The following MACROD2 variants were observed in gnomAD, a reference collection of about 807,000 sequenced individuals.
MACROD2 encodes the protein mono-ADP ribosylhydrolase 2.
Under a neutral mutation model 70.4 loss-of-function variants are expected in MACROD2, and 36 were observed. That is an observed-to-expected ratio of 0.51 (90% CI 0.39 to 0.68). MACROD2 has a LOEUF of 0.68. MACROD2 is among the 30% of genes least tolerant of loss of function. The probability of loss-of-function intolerance (pLI) is 0.00; values close to 1 mark genes in which losing one functional copy is unlikely to be tolerated. For missense variants in MACROD2, 496 were observed against 538.4 expected (o/e 0.92, Z 0.78); for synonymous variants, 172 against 178.8 (o/e 0.96, Z 0.30).
chr20:15,419,090 G>T (rs1276895691), intron 6 of MACROD2, among the ~76,000 whole-genome samples: 1 of 152,104 alleles, frequency 6.6e-6, no homozygotes, highest in South Asian at 2.1e-4. Flanking sequence ...ATGACGAAGT[G>T]GTCCCAGAAA....
chr20:14,268,859 A>G (rs1426671138), intron 3 of MACROD2, among the ~76,000 whole-genome samples: 1 of 152,042 alleles, frequency 6.6e-6, no homozygotes, highest in African/African-American at 2.4e-5. Flanking sequence ...CCTTTATCCC[A>G]TTCTTTTAAA....
At chr20:14,911,638 G>C (rs1203110419) in intron 5 of MACROD2, among the ~76,000 whole-genome samples, 1 of 152,040 alleles carries the variant, frequency 6.6e-6, no homozygotes, top group South Asian at 2.1e-4. Flanking sequence ...TTCCCAAAAT[G>C]CTGGGATTGC....
chr20:14,865,949 TTC>T (rs1366996252), intron 5 of MACROD2, among the ~76,000 whole-genome samples: 1 of 152,162 alleles, frequency 6.6e-6, no homozygotes, highest in African/African-American at 2.4e-5. Context: ...AGCCATAATT[TTC>T]TCTTTGAAAG....
intron 8 of MACROD2, among the ~76,000 whole-genome samples, chr20:15,688,388 C>T (rs1175238223): frequency 6.6e-6 from 1 of 152,140 alleles, no homozygotes; most frequent in Non-Finnish European, 1.5e-5. Context: ...ATAGAAGCGT[C>T]AGTATTGGAA....
At position 14,386,645 on chromosome 20, in the gene MACROD2, C is replaced by A. The variant is rs572237951; in HGVS notation, c.272-106834C>A. Among the ~76,000 whole-genome samples the A allele has an allele frequency of 2.0e-5, 3 of 152,042 alleles. No homozygotes were observed. In the East Asian group the frequency reaches 5.8e-4, roughly 29 times the overall value. The stretch of plus-strand genomic sequence containing the variant: ...CTTCTGCTTTTGCCATGTGACATGC[C>A]AGCTCCCCTTTTGCCTTCTGCCATG... On this transcript the variant is annotated intron_variant, in intron 3 of 17. Coordinates refer to ENST00000684519, the MANE Select transcript of MACROD2 (RefSeq NM_001351661.2).
intron 6 of MACROD2, among the ~76,000 whole-genome samples, chr20:15,363,779 G>A (rs895587353): frequency 2.0e-5 from 3 of 151,984 alleles, no homozygotes; most frequent in Non-Finnish European, 2.9e-5. Context: ...GAAATGGAAG[G>A]CAAGATGAAT....
chr20:15,702,243 T>G (rs1306081028), intron 8 of MACROD2, among the ~76,000 whole-genome samples: 1 of 152,240 alleles, frequency 6.6e-6, no homozygotes, highest in Non-Finnish European at 1.5e-5. Context: ...ATCTCCAACT[T>G]GCTTTCCACA....
intron 5 of MACROD2, among the ~76,000 whole-genome samples, chr20:15,079,135 A>G (rs111391592): frequency 2.8e-4 from 42 of 152,322 alleles, no homozygotes; most frequent in African/African-American, 9.6e-4. Flanking sequence ...AGAAAGAAAA[A>G]AAGAATCAAC....
intron 4 of MACROD2, among the ~76,000 whole-genome samples, chr20:14,642,146 G>A (rs897261734): frequency 2.6e-5 from 4 of 152,208 alleles, no homozygotes; most frequent in African/African-American, 9.6e-5. Context: ...GTGTTATGGA[G>A]ACAGCTTCTT....
intron 2 of MACROD2, among the ~76,000 whole-genome samples, chr20:14,011,909 G>A (rs546379420): frequency 2.0e-5 from 3 of 151,566 alleles, no homozygotes; most frequent in African/African-American, 4.8e-5. Flanking sequence ...CTATTATTGC[G>A]ACTTTTCTTT....
chr20:14,014,840 G>T (rs2052964510), intron 2 of MACROD2, among the ~76,000 whole-genome samples: 1 of 151,654 alleles, frequency 6.6e-6, no homozygotes, highest in Admixed American at 6.6e-5. Flanking sequence ...TCTTGCTGTT[G>T]CCCAGGCTGG....
chr20:15,942,697 A>T (rs1019889772), intron 12 of MACROD2, among the ~76,000 whole-genome samples: 7 of 152,164 alleles, frequency 4.6e-5, no homozygotes, highest in Non-Finnish European at 1.0e-4. Context: ...TATTATTATT[A>T]CTATTTAAGA....
chr20:15,998,428 T>C (rs1449552016), intron 15 of MACROD2, among the ~76,000 whole-genome samples: 1 of 152,194 alleles, frequency 6.6e-6, no homozygotes, highest in Non-Finnish European at 1.5e-5. Flanking sequence ...CTTCTAGCAA[T>C]TTATTCATTT....
chr20:14,418,716 A>T (rs1343670334), intron 3 of MACROD2, among the ~76,000 whole-genome samples: 1 of 152,242 alleles, frequency 6.6e-6, no homozygotes, highest in Non-Finnish European at 1.5e-5. Context: ...ACTTTAACAC[A>T]TGGAACTTGT....
intron 5 of MACROD2, among the ~76,000 whole-genome samples, chr20:14,877,077 C>T (rs1325230397): frequency 6.6e-6 from 1 of 152,120 alleles, no homozygotes; most frequent in Non-Finnish European, 1.5e-5. Flanking sequence ...TATACTCTTC[C>T]AATCCATGAG....
At chr20:15,708,432 C>T (rs1377294105) in intron 8 of MACROD2, among the ~76,000 whole-genome samples, 1 of 151,954 alleles carries the variant, frequency 6.6e-6, no homozygotes, top group Non-Finnish European at 1.5e-5. Context: ...ATTAGCCATG[C>T]AGGTAGGGGA....
intron 8 of MACROD2, among the ~76,000 whole-genome samples, chr20:15,599,320 A>G (rs935328125): frequency 3.3e-5 from 5 of 152,018 alleles, no homozygotes; most frequent in Admixed American, 6.5e-5. Context: ...TGAACCCGGG[A>G]GGCAGAGGTT....
At chr20:15,275,487 G>T (rs1031384482) in intron 6 of MACROD2, among the ~76,000 whole-genome samples, 1 of 152,150 alleles carries the variant, frequency 6.6e-6, no homozygotes, top group African/African-American at 2.4e-5. Context: ...CTGTGCACCC[G>T]GTAAACATAT....
At chr20:14,457,000 C>A (rs1212596507) in intron 3 of MACROD2, among the ~76,000 whole-genome samples, 2 of 151,956 alleles carry the variant, frequency 1.3e-5, no homozygotes, top group African/African-American at 4.8e-5. Context: ...CTTTATTTTG[C>A]AGCTATTATG....
Sources: allele counts gnomAD v4.1 joint callset (sites outside exome capture counted in the v4.1 genomes callset), GRCh38; gene constraint gnomAD v4.1.1; transcripts MANE v1.5; gene names NCBI Gene and HGNC (gene_info 2026-07-23, HGNC 2026-07-21).